TNFRSF8: variants seen among roughly 807,000 people sequenced by gnomAD.
The protein encoded by TNFRSF8 is tumor necrosis factor receptor superfamily member 8.
In TNFRSF8, 26 loss-of-function variants were observed where a neutral mutation model predicts 70.8. The ratio of observed to expected loss-of-function variants is 0.37; its 90% CI spans 0.27 to 0.51. The LOEUF is 0.51. TNFRSF8 is among the 20% of genes least tolerant of loss of function. The pLI, the probability that TNFRSF8 is intolerant of heterozygous loss-of-function variation, is 0.94. For synonymous variants in TNFRSF8, 356 were observed against 339.2 expected, an observed-to-expected ratio of 1.05 and a Z score of -0.54; for missense variants, 720 against 807.9, an observed-to-expected ratio of 0.89 and a Z score of 1.32.
chr1:12,079,720 C>G (rs1641029988), intron 1 of TNFRSF8, among the ~76,000 whole-genome samples: 1 of 151,238 alleles, frequency 6.6e-6, no homozygotes, highest in African/African-American at 2.5e-5. Flanking sequence ...GGCTGGCCAT[C>G]CCACCAGGTT....
In TNFRSF8 at chr1:12,137,558, G is replaced by GT. The variant is rs57661698; in HGVS notation, c.1336-661dup. On this transcript the variant is annotated intron_variant, in intron 13 of 14. Coordinates refer to ENST00000263932, the MANE Select transcript of TNFRSF8 (RefSeq NM_001243.5). ...CATAGCTGTTTTTTTGTTTTTTTTTGTTTTTTTTTTGTTTTTTTTTTAGCA... is the reference window on the plus strand; with the variant it reads ...CATAGCTGTTTTTTTGTTTTTTTTTGTTTTTTTTTTTGTTTTTTTTTTAGCA... 4.6e-3 allele frequency among the ~76,000 whole-genome samples: 618 copies of GT among 135,210 alleles called. 1 individual carries two copies. The highest frequency in any genetic ancestry group is 8.6e-3 in the African/African-American group (314 of 36,412). 88.7% of individuals were successfully genotyped at this position (135,210 alleles called of 152,430 possible).
At chr1:12,115,523 C>A in intron 7 of TNFRSF8, 54 bp from the exon 8 acceptor site, 4 of 1,605,818 alleles carry the variant, frequency 2.5e-6, no homozygotes, top group Non-Finnish European at 3.4e-6. Context: ...CTCTCTGGAC[C>A]CCCTGCCCTT....
At position 12,125,981 on chromosome 1, in the gene TNFRSF8, T is replaced by C. The variant is rs370905036; in HGVS notation, c.1184T>C (p.Leu395Ser). Residue 395 changes from leucine (L) to serine (S), a missense_variant, in exon 11 of 15, where the codon TTG (leucine) becomes TCG (serine). By Grantham distance (145) the Leu-to-Ser change is moderately radical. Transcript: ENST00000263932. ...GPVLFWVILVLVVVVGSSAFL... is the reference protein window; with the variant it reads ...GPVLFWVILVSVVVVGSSAFL... The stretch of plus-strand genomic sequence containing the variant: ...GTGCTCTTCTGGGTGATCCTGGTGT[T>C]GGTTGTGGTGGTCGGCTCCAGCGCC... 9 of 1,613,156 alleles carry C rather than the reference T, an allele frequency of 5.6e-6. No individual in the cohort carries two copies. The highest frequency in any genetic ancestry group is 1.3e-5 in the African/African-American group (1 of 74,560).
Position 12,109,112 on chromosome 1 carries a change from C to A in TNFRSF8, c.422-454C>A, listed in dbSNP as rs932710210. On this transcript the variant is annotated intron_variant, in intron 4 of 14. Coordinates refer to ENST00000263932, the MANE Select transcript of TNFRSF8 (RefSeq NM_001243.5). The surrounding 1 kb of genome is among the most constrained non-coding windows in gnomAD (Gnocchi z 4.4). ...TGTTGGTTCATCGGCAAGATACTTACAAGCAGCTCTGCCCAGCGCCAGTGG... is the reference window on the plus strand; with the variant it reads ...TGTTGGTTCATCGGCAAGATACTTAAAAGCAGCTCTGCCCAGCGCCAGTGG... Among the ~76,000 whole-genome samples the A allele has an allele frequency of 6.6e-6, 1 of 152,230 alleles. No homozygotes were observed. The highest frequency in any genetic ancestry group is 1.9e-4 in the East Asian group (1 of 5,206).
chr1:12,063,589 G>A lies in TNFRSF8; in HGVS notation c.-10G>A. The A allele has an allele frequency of 7.6e-7, 1 of 1,309,588 alleles. No homozygotes were observed. The highest frequency in any genetic ancestry group is 9.8e-7 in the Non-Finnish European group (1 of 1,021,010). The allele number at this position is 1,309,588 out of a possible 1,614,324, so 81.1% of individuals were successfully genotyped here. A position where few individuals can be genotyped will look rare whatever the true frequency, so the allele number is the denominator to read the frequency against. The stretch of plus-strand genomic sequence containing the variant: ...CCGGCCGCCAGGCCACCTCACGTCC[G>A]GCCCCGGGGATGCGCGTCCTCCTCG... On this transcript the variant is annotated 5_prime_UTR_variant, in exon 1 of 15. Coordinates refer to ENST00000263932, the MANE Select transcript of TNFRSF8 (RefSeq NM_001243.5). The surrounding 1 kb of genome is among the most constrained non-coding windows in gnomAD (Gnocchi z 7.2).
intron 2 of TNFRSF8, among the ~76,000 whole-genome samples, chr1:12,095,540 G>A (rs1339785264): frequency 1.3e-5 from 2 of 152,120 alleles, no homozygotes; most frequent in Non-Finnish European, 2.9e-5. Context: ...CACCCACCTC[G>A]GCCTCCCAAA....
Position 12,084,509 on chromosome 1 carries a change from T to G in TNFRSF8, c.109T>G (p.Tyr37Asp). The G allele has an allele frequency of 6.2e-7, 1 of 1,614,010 alleles. No homozygotes were observed. The highest frequency in any genetic ancestry group is 1.3e-5 in the African/African-American group (1 of 75,018). The change falls in exon 2 of 15, where the codon TAT (tyrosine) becomes GAT (aspartate). Residue 37 changes from tyrosine (Y) to aspartate (D), a missense_variant. By Grantham distance (160) the Tyr-to-Asp change is radical. Coordinates refer to ENST00000263932, the MANE Select transcript of TNFRSF8 (RefSeq NM_001243.5). Reference sequence around the variant, plus strand: ...CTGTCATGGAAACCCCAGCCACTACTATGACAAGGCTGTCAGGAGGTGCTG... The same window carrying G: ...CTGTCATGGAAACCCCAGCCACTACGATGACAAGGCTGTCAGGAGGTGCTG... Reference protein sequence around the residue: ...DTCHGNPSHYYDKAVRRCCYR... With the variant: ...DTCHGNPSHYDDKAVRRCCYR...
At chr1:12,068,226 G>T (rs1166237889) in intron 1 of TNFRSF8, among the ~76,000 whole-genome samples, 1 of 152,076 alleles carries the variant, frequency 6.6e-6, no homozygotes, top group Non-Finnish European at 1.5e-5. Context: ...TGGCCCGGGG[G>T]AGTCCTGGAG....
chr1:12,076,478 C>A (rs1425913779), intron 1 of TNFRSF8, among the ~76,000 whole-genome samples: 1 of 152,098 alleles, frequency 6.6e-6, no homozygotes, highest in Non-Finnish European at 1.5e-5. Context: ...AACTCTTACA[C>A]AAAAATCATT....
chr1:12,134,409 C>A (rs11569928), intron 12 of TNFRSF8, among the ~76,000 whole-genome samples: 1,912 of 152,212 alleles, frequency 0.013, 39 homozygotes, highest in African/African-American at 0.043. Context: ...TGCCCGGATG[C>A]CCTCTCACCT....
At chr1:12,104,298 C>T in intron 3 of TNFRSF8, 81 bp from the exon 4 acceptor site, 2 of 1,520,822 alleles carry the variant, frequency 1.3e-6, no homozygotes, top group South Asian at 2.3e-5. Context: ...CTGCACCTGC[C>T]CTCTCCCCCT....
chr1:12,066,416 C>T (rs1435118539), intron 1 of TNFRSF8, among the ~76,000 whole-genome samples: 5 of 150,794 alleles, frequency 3.3e-5, no homozygotes, highest in African/African-American at 1.2e-4. Flanking sequence ...TGCAGTGGCA[C>T]GATCTTGGCT....
chr1:12,126,299 C>T (rs11569915), intron 12 of TNFRSF8, 63 bp downstream of exon 12: 49,049 of 1,593,856 alleles, frequency 0.031, 1,549 homozygotes, highest in African/African-American at 0.13. Context: ...GCTCTGGGCC[C>T]GGGGCGTGGG....
At position 12,110,110 on chromosome 1, in the gene TNFRSF8, A is replaced by C. The variant is rs1040057390; in HGVS notation, c.582A>C (p.Val194=). 1.2e-6 allele frequency: 2 copies of C among 1,613,104 alleles called. No individual in the cohort carries two copies. Among genetic ancestry groups the C allele is most frequent in the African/African-American group, 2.7e-5 (2 of 74,926 alleles). The change falls in exon 6 of 15, where the codon GTA becomes GTC. Residue 194 remains valine, a synonymous_variant. Coordinates refer to ENST00000263932, the MANE Select transcript of TNFRSF8 (RefSeq NM_001243.5). This position sits in a 1 kb window ranked among gnomAD's most constrained non-coding sequence, Gnocchi z 4.0. The part of the protein sequence containing the change: ...PATSSASTMP[V]RGGTRLAQEA... ...CCTCCAGTGCCAGCACCATGCCTGT[A>C]AGAGGGGGCACCCGCCTCGCCCAGG...
rs543954528 is a variant in TNFRSF8 at position 12,074,527 on chromosome 1, G to T, written c.64-9937G>T. ...ACTCCTGACCTCAAGTGATCCGCCCGCCTCGGCCTCCCAAAGTGCTGGGAT... is the reference window on the plus strand; with the variant it reads ...ACTCCTGACCTCAAGTGATCCGCCCTCCTCGGCCTCCCAAAGTGCTGGGAT... On this transcript the variant is annotated intron_variant, in intron 1 of 14. Coordinates refer to ENST00000263932, the MANE Select transcript of TNFRSF8 (RefSeq NM_001243.5). Among the ~76,000 whole-genome samples, 80 of 152,126 alleles carry T rather than the reference G, an allele frequency of 5.3e-4. 2 individuals carry two copies. The South Asian group carries it at 0.016, about 30-fold the overall frequency.
chr1:12,086,423 T>A (rs866578175), intron 2 of TNFRSF8, among the ~76,000 whole-genome samples: 1 of 152,082 alleles, frequency 6.6e-6, no homozygotes, highest in African/African-American at 2.4e-5. Context: ...CCCTGGTTTT[T>A]TCAGTGCTTC....
chr1:12,112,337 C>T lies in TNFRSF8; in HGVS notation c.793+323C>T, dbSNP rs74789469. On this transcript the variant is annotated intron_variant, in intron 7 of 14. Coordinates refer to ENST00000263932, the MANE Select transcript of TNFRSF8 (RefSeq NM_001243.5). This position sits in a 1 kb window ranked among gnomAD's most constrained non-coding sequence, Gnocchi z 5.3. ...CTGGAGTTTGAACCCAGACAGGTGC[C>T]ACCAGGTTCCAGGTTCTCGTCCACT... Among the ~76,000 whole-genome samples, 2,563 of 152,000 alleles carry T rather than the reference C, an allele frequency of 0.017. 73 individuals are homozygous for T. Among genetic ancestry groups the T allele is most frequent in the African/African-American group, 0.056 (2,330 of 41,446 alleles).
intron 12 of TNFRSF8, among the ~76,000 whole-genome samples, chr1:12,132,161 A>G (rs1642059556): frequency 6.6e-6 from 1 of 152,202 alleles, no homozygotes; most frequent in Non-Finnish European, 1.5e-5. Flanking sequence ...CACATGCCCC[A>G]CACCCAGTTT....
At chr1:12,079,470 C>T (rs1200490058) in intron 1 of TNFRSF8, among the ~76,000 whole-genome samples, 1 of 152,186 alleles carries the variant, frequency 6.6e-6, no homozygotes, top group Non-Finnish European at 1.5e-5. Flanking sequence ...GCTCCCCTCT[C>T]TCTCTTCCCC....
Sources: gnomAD v4.1 joint callset for allele counts (sites outside exome capture counted in the v4.1 genomes callset) on GRCh38, gnomAD v4.1.1 for gene constraint, Gnocchi (gnomAD v3.1) non-coding constraint, MANE v1.5 for transcripts, NCBI Gene and HGNC (gene_info 2026-07-23, HGNC 2026-07-21) for gene names.